Variants in DUSP16 observed in about 807,000 individuals in gnomAD.
DUSP16 encodes the protein dual specificity protein phosphatase 16.
Under a neutral mutation model 58.3 loss-of-function variants are expected in DUSP16, and 21 were observed. The observed-to-expected ratio is 0.36, with a 90% CI of 0.26 to 0.52. DUSP16 has a LOEUF of 0.52. Among genes scored for constraint, DUSP16 ranks in the 20% least tolerant of loss-of-function variants. The probability of loss-of-function intolerance (pLI) is 0.94; values close to 1 mark genes in which losing one functional copy is unlikely to be tolerated. For missense variants in DUSP16, 726 were observed against 819.0 expected (o/e 0.89, Z 1.39); for synonymous variants, 320 against 323.8 (o/e 0.99, Z 0.12).
intron 4 of DUSP16, among the ~76,000 whole-genome samples, chr12:12,487,966 A>C (rs1228415135): frequency 6.6e-6 from 1 of 152,004 alleles, no homozygotes; most frequent in East Asian, 1.9e-4. Context: ...TCTCCTCTCT[A>C]TACCCATTCA....
At chr12:12,510,618 T>G (rs915207549) in intron 3 of DUSP16, among the ~76,000 whole-genome samples, 5 of 152,176 alleles carry the variant, frequency 3.3e-5, no homozygotes, top group African/African-American at 1.2e-4. Context: ...GAGTTTGACA[T>G]AGCGCTAGGT....
intron 3 of DUSP16, among the ~76,000 whole-genome samples, chr12:12,502,118 G>A (rs966775529): frequency 6.6e-6 from 1 of 152,238 alleles, no homozygotes; most frequent in African/African-American, 2.4e-5. Context: ...ATCTCTTTGA[G>A]TTATATTGTA....
chr12:12,484,126 C>G (rs967790410), intron 5 of DUSP16, among the ~76,000 whole-genome samples: 9 of 151,676 alleles, frequency 5.9e-5, no homozygotes, highest in Non-Finnish European at 1.3e-4. Flanking sequence ...AAATAAAAAG[C>G]AAGAACAACA....
At chr12:12,560,301 G>A (rs1944878412) in intron 1 of DUSP16, among the ~76,000 whole-genome samples, 1 of 151,980 alleles carries the variant, frequency 6.6e-6, no homozygotes, top group Admixed American at 6.5e-5. Context: ...TATAGTACTT[G>A]AACCGAGTTA....
rs1943419345 is a variant in DUSP16 at position 12,475,768 on chromosome 12, T to C, written c.*1065A>G. ...CCCTAGGAAGTTTCCTATAAAATTC[T>C]GCCATATTATTACATTTTACCAACT... is the stretch of plus-strand genomic sequence containing the variant. On this transcript the variant is annotated 3_prime_UTR_variant, in exon 7 of 7. Coordinates refer to ENST00000298573, the MANE Select transcript of DUSP16 (RefSeq NM_030640.3). 1.3e-5 allele frequency: 2 copies of C among 152,208 alleles called. No individual in the cohort carries two copies. The highest frequency in any genetic ancestry group is 1.3e-4 in the Admixed American group (2 of 15,288). 9.4% of individuals were successfully genotyped at this position (152,208 alleles called of 1,614,324 possible).
chr12:12,487,821 C>T (rs1278819406), intron 4 of DUSP16, among the ~76,000 whole-genome samples: 1 of 152,106 alleles, frequency 6.6e-6, no homozygotes, highest in African/African-American at 2.4e-5. Context: ...TCTGTAATCC[C>T]CAAATTGGTT....
At chr12:12,554,442 C>T (rs1354972629) in intron 1 of DUSP16, 1 of 151,976 alleles carries the variant, frequency 6.6e-6, no homozygotes, top group Non-Finnish European at 1.5e-5. Context: ...TAATTTCTTA[C>T]CCTACAGTTA....
intron 1 of DUSP16, among the ~76,000 whole-genome samples, chr12:12,544,617 C>T (rs576183986): frequency 1.4e-5 from 2 of 147,828 alleles, no homozygotes; most frequent in African/African-American, 4.9e-5. Context: ...CATGCTGATA[C>T]TGGTATTTTC....
chr12:12,557,324 GCA>G (rs1305135885), intron 1 of DUSP16, among the ~76,000 whole-genome samples: 2 of 151,946 alleles, frequency 1.3e-5, no homozygotes, highest in Non-Finnish European at 2.9e-5. Context: ...GGGTGCGGTG[GCA>G]CACGCCTGTA....
At chr12:12,512,760 G>A (rs1157997990) in intron 3 of DUSP16, among the ~76,000 whole-genome samples, 1 of 152,028 alleles carries the variant, frequency 6.6e-6, no homozygotes, top group Admixed American at 6.5e-5. Flanking sequence ...TTAGACCCAA[G>A]AGCAGCCAGT....
At chr12:12,506,226 A>G (rs748605805) in intron 3 of DUSP16, 6 of 152,206 alleles carry the variant, frequency 3.9e-5, no homozygotes, top group Non-Finnish European at 2.9e-5. Flanking sequence ...ACATGCTTAA[A>G]ATGTCCCTCT....
At chr12:12,486,517 T>TGA (rs1491020227) in intron 5 of DUSP16, among the ~76,000 whole-genome samples, 6 of 148,470 alleles carry the variant, frequency 4.0e-5, no homozygotes, top group Admixed American at 6.7e-5. Flanking sequence ...TGTGTGTGTG[T>TGA]GAAAATTCTG....
In DUSP16 at chr12:12,478,149, C is replaced by T. The variant is rs189829102; in HGVS notation, c.816-134G>A. 218 of 814,078 alleles carry T rather than the reference C, an allele frequency of 2.7e-4. No homozygotes were observed. The African/African-American group carries it at 3.3e-3, about 12-fold the overall frequency. The allele number at this position is 814,078 out of a possible 1,614,324, so 50.4% of individuals were successfully genotyped here. A position where few individuals can be genotyped will look rare whatever the true frequency, so the allele number is the denominator to read the frequency against. On this transcript the variant is annotated intron_variant, in intron 6 of 6. Transcript: ENST00000298573. The stretch of plus-strand genomic sequence containing the variant: ...TTGGAAGATGATTGGTTTACAAGTT[C>T]GGGGAGATGCTTCAAGGTGGAGAAT...
At chr12:12,520,023 G>C (rs777312429) in intron 2 of DUSP16, 23 bp from the exon 3 acceptor site, 3 of 1,613,696 alleles carry the variant, frequency 1.9e-6, no homozygotes, top group Non-Finnish European at 2.5e-6. Context: ...CATGAGGCTT[G>C]TTAGGAAGAA....
At chr12:12,539,701 A>G (rs1483060973) in intron 1 of DUSP16, among the ~76,000 whole-genome samples, 1 of 151,250 alleles carries the variant, frequency 6.6e-6, no homozygotes, top group Admixed American at 6.6e-5. Context: ...TCTATATTAC[A>G]TTAAATAAAG....
chr12:12,551,690 C>T (rs1256641928), intron 1 of DUSP16, among the ~76,000 whole-genome samples: 1 of 138,394 alleles, frequency 7.2e-6, no homozygotes, highest in Non-Finnish European at 1.6e-5. Context: ...ACTTAGTAAA[C>T]CTTTTTTTTT....
intron 1 of DUSP16, among the ~76,000 whole-genome samples, chr12:12,540,519 A>G (rs915832932): frequency 1.3e-5 from 2 of 152,172 alleles, no homozygotes; most frequent in East Asian, 3.8e-4. Context: ...GAACATCTAT[A>G]CTGTGCAAGG....
intron 4 of DUSP16, among the ~76,000 whole-genome samples, chr12:12,494,444 C>A (rs1943802088): frequency 6.6e-6 from 1 of 152,130 alleles, no homozygotes; most frequent in Non-Finnish European, 1.5e-5. Context: ...GAATAGTCTA[C>A]TAGCAACTGT....
chr12:12,536,846 T>G (rs1014880146), intron 1 of DUSP16, among the ~76,000 whole-genome samples: 1 of 152,110 alleles, frequency 6.6e-6, no homozygotes, highest in African/African-American at 2.4e-5. Flanking sequence ...GAGACCAGCC[T>G]GACAAACATG....
Sources: allele counts gnomAD v4.1 joint callset (sites outside exome capture counted in the v4.1 genomes callset), GRCh38; gene constraint gnomAD v4.1.1; transcripts MANE v1.5; gene names NCBI Gene and HGNC (gene_info 2026-07-23, HGNC 2026-07-21).